The following TARDBP variants were observed in gnomAD, a reference collection of about 807,000 sequenced individuals.
TARDBP encodes TAR DNA binding protein, also known as TAR DNA-binding protein 43.
TARDBP carries 4 observed loss-of-function variants against 38.3 expected under a neutral mutation model. The ratio of observed to expected loss-of-function variants is 0.10; its 90% confidence interval spans 0.05 to 0.24. The LOEUF (loss-of-function observed/expected upper bound fraction) is 0.24. TARDBP is among the 10% of genes least tolerant of loss of function. The pLI, the probability that TARDBP is intolerant of heterozygous loss-of-function variation, is 1.00. For missense variants in TARDBP, 202 were observed against 521.9 expected (o/e 0.39, Z 5.97); for synonymous variants, 184 against 183.8 (o/e 1.00, Z -0.01).
intron 4 of TARDBP, 145 bp from the exon 5 acceptor site, chr1:11,020,284 T>C (rs1557658817): frequency 8.8e-6 from 8 of 911,034 alleles, no homozygotes; most frequent in Non-Finnish European, 1.2e-5. Flanking sequence ...AAAGAAATGC[T>C]GATGGAAAAA....
downstream of TARDBP, chr1:11,030,157 G>T (rs1368968828): frequency 1.3e-6 from 2 of 1,581,970 alleles, no homozygotes; most frequent in Non-Finnish European, 1.7e-6. Context: ...CCAGTCTCTT[G>T]TATAAATGTA....
downstream of TARDBP, chr1:11,030,320 C>T: frequency 9.2e-7 from 1 of 1,085,928 alleles, no homozygotes; most frequent in Non-Finnish European, 1.4e-6. Flanking sequence ...CTTGAATACC[C>T]CCTTGAAAAA....
At chr1:11,026,754 A>G, downstream of TARDBP, 1 of 653,696 alleles carries the variant, frequency 1.5e-6, no homozygotes, top group Non-Finnish European at 2.4e-6. Context: ...CCTCACCTGG[A>G]GTCTGTTTTT....
intron 1 of TARDBP, among the ~76,000 whole-genome samples, chr1:11,013,395 A>G (rs899306127): frequency 1.3e-5 from 2 of 152,178 alleles, no homozygotes; most frequent in Non-Finnish European, 2.9e-5. Flanking sequence ...TAAAATAGCT[A>G]CTGTTTATTG....
intron 4 of TARDBP, 100 bp from the exon 5 acceptor site, chr1:11,020,329 C>T (rs1643611436): frequency 7.0e-7 from 1 of 1,420,430 alleles, no homozygotes; most frequent in African/African-American, 1.4e-5. Flanking sequence ...TGGTTCACTG[C>T]TATCCAAGGC....
downstream of TARDBP, among the ~76,000 whole-genome samples, chr1:11,028,778 A>G (rs1346669745): frequency 2.7e-5 from 4 of 146,988 alleles, no homozygotes; most frequent in East Asian, 3.9e-4. Flanking sequence ...CAGTGGTACA[A>G]TCTTGGCTCA....
chr1:11,020,310 A>G lies in TARDBP; in HGVS notation c.544-119A>G, dbSNP rs1490725024. On this transcript the variant is annotated intron_variant, in intron 4 of 5. Coordinates refer to ENST00000240185, the MANE Select transcript of TARDBP (RefSeq NM_007375.4). ...GATGGAAAAAATTAAGGGTACGTCT[A>G]CTTTTTAATGGTTCACTGCTATCCA... 10 of 1,216,590 alleles carry G rather than the reference A, an allele frequency of 8.2e-6. No individual in the cohort carries two copies. The East Asian group carries it at 1.2e-4, about 15-fold the overall frequency. The allele number at this position is 1,216,590 out of a possible 1,614,324, so 75.4% of individuals were successfully genotyped here.
chr1:11,012,896 C>A (rs1291350977), intron 1 of TARDBP, among the ~76,000 whole-genome samples, 153 bp downstream of exon 1: 1 of 152,212 alleles, frequency 6.6e-6, no homozygotes, highest in Non-Finnish European at 1.5e-5. Context: ...CGCGCGGGAG[C>A]GTCGTTAGGT....
chr1:11,013,724 A>G lies in TARDBP; in HGVS notation c.-4A>G. ...ATCTCTTTTCTCTTTAGGAAAAGTA[A>G]AAGATGTCTGAATATATTCGGGTAA... On this transcript the variant is annotated 5_prime_UTR_variant, in exon 2 of 6. Transcript: ENST00000240185. 6.2e-7 allele frequency: 1 copy of G among 1,601,238 alleles called. No individual in the cohort carries two copies. Among genetic ancestry groups the G allele is most frequent in the Non-Finnish European group, 8.5e-7 (1 of 1,172,250 alleles).
intron 3 of TARDBP, 73 bp from the exon 4 acceptor site, chr1:11,018,660 A>G: frequency 6.2e-7 from 1 of 1,605,404 alleles, no homozygotes; most frequent in South Asian, 1.1e-5. Flanking sequence ...ATTGTTTTCT[A>G]AGGAACTATG....
chr1:11,027,020 A>G (rs1404382527), downstream of TARDBP: 7 of 1,597,914 alleles, frequency 4.4e-6, no homozygotes, highest in Middle Eastern at 5.0e-4. Context: ...TCTCTGTTTC[A>G]CTATCTAGAA....
At chr1:11,029,873 C>T (rs1448410991), downstream of TARDBP, 3 of 192,448 alleles carry the variant, frequency 1.6e-5, no homozygotes, top group East Asian at 2.7e-4. Context: ...ACCCACCTGC[C>T]TCGGCCTCCC....
Position 11,022,687 on chromosome 1 carries a change from G to T in TARDBP, c.*33G>T. 6.3e-7 allele frequency: 1 copy of T among 1,591,414 alleles called. No individual in the cohort carries two copies. The highest frequency in any genetic ancestry group is 8.5e-7 in the Non-Finnish European group (1 of 1,170,116). ...GGTTGTGGTTGGTTGGTATAGAATG[G>T]TGGGAATTCAAATTTTTCTAAACTC... On this transcript the variant is annotated 3_prime_UTR_variant, in exon 6 of 6. Coordinates refer to ENST00000240185, the MANE Select transcript of TARDBP (RefSeq NM_007375.4). The surrounding 1 kb of genome is among the most constrained non-coding windows in gnomAD (Gnocchi z 4.5).
chr1:11,014,123 A>G (rs1247341961), intron 2 of TARDBP, among the ~76,000 whole-genome samples, 158 bp downstream of exon 2: 1 of 152,234 alleles, frequency 6.6e-6, no homozygotes, highest in East Asian at 1.9e-4. Flanking sequence ...ACGAGTCTAA[A>G]TTTATGGAAA....
intron 1 of TARDBP, among the ~76,000 whole-genome samples, 158 bp from the exon 2 acceptor site, chr1:11,013,558 C>T (rs1643457135): frequency 6.6e-6 from 1 of 152,146 alleles, no homozygotes; most frequent in South Asian, 2.1e-4. Flanking sequence ...CTACCCTTAC[C>T]TTCACCTCGT....
chr1:11,027,246 A>G (rs760632680), downstream of TARDBP: 25 of 1,614,046 alleles, frequency 1.5e-5, no homozygotes, highest in Admixed American at 5.0e-5. Flanking sequence ...TGCAGTTCCA[A>G]TGTCATCTGT....
intron 2 of TARDBP, among the ~76,000 whole-genome samples, chr1:11,015,345 G>C (rs1012265069): frequency 6.6e-6 from 1 of 151,842 alleles, no homozygotes; most frequent in African/African-American, 2.4e-5. Flanking sequence ...AATTAGCCAG[G>C]CGTGGTGGTT....
downstream of TARDBP, chr1:11,026,790 C>T (rs1643739977): frequency 9.2e-7 from 1 of 1,084,032 alleles, no homozygotes; most frequent in Non-Finnish European, 1.3e-6. Flanking sequence ...ACTGCCATGT[C>T]CACAGTAATG....
rs547979470 is a variant in TARDBP, at chr1:11,022,372, C to T, written c.963C>T (p.Ala321=). ...MNFGAFSINP[A]MMAAAQAALQ... is the part of the protein sequence containing the mutation. ...TTGGTGCGTTCAGCATTAATCCAGC[C>T]ATGATGGCTGCCGCCCAGGCAGCAC... The change falls in exon 6 of 6, where the codon GCC becomes GCT. Residue 321 remains alanine (A), a synonymous_variant. Transcript: ENST00000240185. This position sits in a 1 kb window ranked among gnomAD's most constrained non-coding sequence, Gnocchi z 4.5. 3.0e-5 allele frequency: 48 copies of T among 1,613,934 alleles called. 1 individual carries two copies. In the Middle Eastern group the frequency reaches 5.4e-3, roughly 183 times the overall value.
Sources: allele counts gnomAD v4.1 joint callset (sites outside exome capture counted in the v4.1 genomes callset), GRCh38; gene constraint gnomAD v4.1.1; non-coding constraint Gnocchi (gnomAD v3.1); transcripts MANE v1.5; gene names NCBI Gene and HGNC (gene_info 2026-07-23, HGNC 2026-07-21).